The following SLC36A1 variants were observed in gnomAD, a reference collection of about 807,000 sequenced individuals.
SLC36A1 encodes proton-coupled amino acid transporter 1.
SLC36A1 carries 30 observed loss-of-function variants against 47.5 expected under a neutral mutation model. The observed-to-expected ratio is 0.63, with a 90% CI of 0.47 to 0.86. The LOEUF is 0.86. Among genes scored for constraint, SLC36A1 ranks in the 40% least tolerant of loss-of-function variants. SLC36A1 has a pLI of 0.00. For synonymous variants in SLC36A1, 255 were observed against 249.7 expected (o/e 1.02, Z -0.20); for missense variants, 517 against 606.0 (o/e 0.85, Z 1.54).
the SLC36A1 span, among the ~76,000 whole-genome samples, chr5:151,360,440 T>G: frequency 1.3e-5 from 2 of 152,198 alleles, no homozygotes; most frequent in Non-Finnish European, 2.9e-5. Context: ...TGGGTCATCA[T>G]GTAATTTTCA....
the SLC36A1 span, chr5:151,366,580 AG>A: frequency 4.6e-6 from 1 of 219,558 alleles, no homozygotes; most frequent in Non-Finnish European, 9.4e-6. Context: ...CAGGATGATG[AG>A]GGGCAGGGTG....
the SLC36A1 span, among the ~76,000 whole-genome samples, chr5:151,345,217 T>C: frequency 6.6e-6 from 1 of 152,198 alleles, no homozygotes; most frequent in East Asian, 1.9e-4. Context: ...CGTGCAACTT[T>C]AGAAACCTTG....
chr5:151,396,425 G>T, the SLC36A1 span, among the ~76,000 whole-genome samples: 2 of 152,106 alleles, frequency 1.3e-5, no homozygotes, highest in East Asian at 3.9e-4. Context: ...TTAATGATGG[G>T]TATAAACTAC....
chr5:151,469,342 A>G (rs357626), intron 7 of SLC36A1: 118,985 of 669,410 alleles, frequency 0.18, 11,527 homozygotes, highest in African/African-American at 0.22. Context: ...TTAAAGTTAC[A>G]TGTTCATCTA....
chr5:151,461,297 A>T (rs1248783793), intron 2 of SLC36A1, among the ~76,000 whole-genome samples: 1 of 151,320 alleles, frequency 6.6e-6, no homozygotes, highest in Admixed American at 6.6e-5. Flanking sequence ...CCTGTGAATT[A>T]TTTCTTAGTG....
At chr5:151,371,052 C>T in the SLC36A1 span, among the ~76,000 whole-genome samples, 14 of 152,132 alleles carry the variant, frequency 9.2e-5, no homozygotes, top group East Asian at 3.9e-4. Context: ...CATTGTAGAA[C>T]GTTTAGCAGC....
At chr5:151,455,771 G>A (rs1754407147) in intron 1 of SLC36A1, among the ~76,000 whole-genome samples, 2 of 152,122 alleles carry the variant, frequency 1.3e-5, no homozygotes, top group Non-Finnish European at 1.5e-5. Context: ...TGCGTCCTTC[G>A]GCCTTTGTTA....
At chr5:151,460,294 C>G (rs1014412341) in intron 2 of SLC36A1, among the ~76,000 whole-genome samples, 17 of 151,106 alleles carry the variant, frequency 1.1e-4, no homozygotes. Context: ...CAGATATCAA[C>G]TTGTCTAAGC....
the SLC36A1 span, among the ~76,000 whole-genome samples, chr5:151,377,084 C>T: frequency 6.6e-6 from 1 of 152,150 alleles, no homozygotes; most frequent in Admixed American, 6.5e-5. Context: ...GAAGACACTT[C>T]ATAGGGTTTC....
At chr5:151,422,943 C>A in the SLC36A1 span, among the ~76,000 whole-genome samples, 1 of 151,992 alleles carries the variant, frequency 6.6e-6, no homozygotes, top group East Asian at 1.9e-4. Context: ...CCCTGTGCCC[C>A]ACTCCACTCC....
the SLC36A1 span, among the ~76,000 whole-genome samples, chr5:151,383,799 C>G: frequency 6.6e-6 from 1 of 152,114 alleles, no homozygotes; most frequent in Non-Finnish European, 1.5e-5. Context: ...TCTCAAACTC[C>G]TGACCTCAGG....
At chr5:151,381,011 T>C in the SLC36A1 span, 1,594 of 393,772 alleles carry the variant, frequency 4.0e-3, 29 homozygotes, top group African/African-American at 0.031. Flanking sequence ...GCTGACAGAC[T>C]ATGCTCTCTT....
At chr5:151,550,881 G>A in the SLC36A1 span, 2 of 1,611,002 alleles carry the variant, frequency 1.2e-6, no homozygotes, top group Non-Finnish European at 1.7e-6. Context: ...CCTAGGGAGG[G>A]AGATGAGGGA....
At chr5:151,503,433 A>G in the SLC36A1 span, among the ~76,000 whole-genome samples, 1 of 148,804 alleles carries the variant, frequency 6.7e-6, no homozygotes, top group Non-Finnish European at 1.5e-5. Flanking sequence ...TCAAGGCCAC[A>G]TAATTAGTGT....
chr5:151,433,245 T>TATATA (rs1554105160), upstream of SLC36A1, among the ~76,000 whole-genome samples: 16 of 13,374 alleles, frequency 1.2e-3, 1 homozygote, highest in East Asian at 6.8e-3. Flanking sequence ...TATATATATA[T>TATATA]ATATATATAT....
At chr5:151,502,273 C>G in the SLC36A1 span, among the ~76,000 whole-genome samples, 1,509 of 146,072 alleles carry the variant, frequency 0.01, 78 homozygotes, top group East Asian at 0.13. Flanking sequence ...GACTGTGCCA[C>G]TGCACTTCAG....
Position 151,488,027 on chromosome 5 carries a change from C to T in SLC36A1, c.1204C>T (p.Leu402=). Residue 402 remains leucine (L), a synonymous_variant, in exon 11 of 11, where the codon CTG becomes TTG. Transcript: ENST00000243389. The part of the protein sequence containing the change: ...LIPRLDLVIS[L]VGSVSSSALA... ...CCCCCGCCTGGACCTGGTCATCTCCCTGGTGGGCTCCGTGAGCAGCAGCGC... is the reference window on the plus strand; with the variant it reads ...CCCCCGCCTGGACCTGGTCATCTCCTTGGTGGGCTCCGTGAGCAGCAGCGC... 1 of 1,614,156 alleles carries T rather than the reference C, an allele frequency of 6.2e-7. No homozygotes were observed. The highest frequency in any genetic ancestry group is 8.5e-7 in the Non-Finnish European group (1 of 1,180,026).
the SLC36A1 span, among the ~76,000 whole-genome samples, chr5:151,499,134 A>ATATTG: frequency 6.6e-6 from 1 of 152,238 alleles, no homozygotes; most frequent in Non-Finnish European, 1.5e-5. Flanking sequence ...CTTTGTATCA[A>ATATTG]TCTAACCAGG....
chr5:151,542,146 G>A, the SLC36A1 span: 1 of 698,030 alleles, frequency 1.4e-6, no homozygotes, highest in Non-Finnish European at 2.4e-6. Flanking sequence ...GAGAAACTGA[G>A]GTCCTAGGGG....
Sources: allele counts gnomAD v4.1 joint callset (sites outside exome capture counted in the v4.1 genomes callset), GRCh38; gene constraint gnomAD v4.1.1; transcripts MANE v1.5; gene names NCBI Gene and HGNC (gene_info 2026-07-23, HGNC 2026-07-21).